LIFR: variants seen among roughly 807,000 people sequenced by gnomAD.
LIFR encodes LIF receptor subunit alpha.
In LIFR, 84 loss-of-function variants were observed where a neutral mutation model predicts 122.2. The ratio of observed to expected loss-of-function variants is 0.69; its 90% CI spans 0.58 to 0.82. The LOEUF (loss-of-function observed/expected upper bound fraction) is 0.82, where lower values mean the gene tolerates loss of function less well. Among genes scored for constraint, LIFR ranks in the 40% least tolerant of loss-of-function variants. The pLI, the probability that LIFR is intolerant of heterozygous loss-of-function variation, is 0.00. For missense variants in LIFR, 1,294 were observed against 1,311.6 expected (o/e 0.99, Z 0.21); for synonymous variants, 422 against 434.7 (o/e 0.97, Z 0.36).
upstream of LIFR, among the ~76,000 whole-genome samples, chr5:38,599,459 C>T (rs1750183594): frequency 1.3e-5 from 2 of 152,022 alleles, no homozygotes; most frequent in South Asian, 2.1e-4. Flanking sequence ...TGGAGATCAG[C>T]GGGAAGGTCA....
In LIFR at chr5:38,563,384, C is replaced by T. The variant is rs12519221; in HGVS notation, c.-20+31877G>A. ...GAGAAACATAGCTGTGCAGGTGACT[C>T]TCAGGTTGGGAGATTAATATTAATT... On this transcript the variant is annotated intron_variant, in intron 1 of 19. Coordinates refer to the LIFR transcript ENST00000263409. Among the ~76,000 whole-genome samples, 740 of 152,236 alleles carry T rather than the reference C, an allele frequency of 4.9e-3. 15 individuals carry two copies. The highest frequency in any genetic ancestry group is 0.042 in the Admixed American group (635 of 15,282).
At chr5:38,532,856 G>A (rs1200909704) in intron 1 of LIFR, among the ~76,000 whole-genome samples, 3 of 152,186 alleles carry the variant, frequency 2.0e-5, no homozygotes, top group Non-Finnish European at 4.4e-5. Flanking sequence ...AACATTGTCA[G>A]AATTCACTTT....
chr5:38,497,119 A>G (rs950179941), intron 12 of LIFR, among the ~76,000 whole-genome samples: 1 of 152,110 alleles, frequency 6.6e-6, no homozygotes, highest in African/African-American at 2.4e-5. Flanking sequence ...AACATGACAA[A>G]CATGAAACCC....
Position 38,478,849 on chromosome 5 carries a change from A to T in LIFR, c.*2746T>A, listed in dbSNP as rs1290128552. ...TGACTGGGCTTTCACTGAGGAAAAG[A>T]GGGATTTCTCAATTATTTTCCCAGT... On this transcript the variant is annotated 3_prime_UTR_variant, in exon 20 of 20. Transcript: ENST00000453190. 1.8e-5 allele frequency: 4 copies of T among 224,874 alleles called. No individual in the cohort carries two copies. In the East Asian group the frequency reaches 2.6e-4, roughly 14 times the overall value. 13.9% of individuals were successfully genotyped at this position (224,874 alleles called of 1,614,324 possible).
intron 2 of LIFR, among the ~76,000 whole-genome samples, chr5:38,602,603 G>C (rs887474686): frequency 6.6e-6 from 1 of 151,758 alleles, no homozygotes; most frequent in Admixed American, 6.6e-5. Context: ...TTATCTTGCC[G>C]TCTAAATTCT....
At chr5:38,578,604 T>G (rs1363728901) in intron 1 of LIFR, among the ~76,000 whole-genome samples, 1 of 151,956 alleles carries the variant, frequency 6.6e-6, no homozygotes, top group Non-Finnish European at 1.5e-5. Context: ...TAGTGTGTAG[T>G]GTAGTGGTGC....
rs929387552 is a variant in LIFR, at chr5:38,527,364, A to G, written c.258-70T>C. On this transcript the variant is annotated intron_variant, in intron 3 of 19. Transcript: ENST00000453190. ...TATAATTTTCATAAAAATTTGGTTA[A>G]CACAAAATACAATGGAAAATACTTT... 11 of 987,640 alleles carry G rather than the reference A, an allele frequency of 1.1e-5. No homozygotes were observed. In the East Asian group the frequency reaches 2.6e-4, roughly 24 times the overall value. The allele number at this position is 987,640 out of a possible 1,614,324, so 61.2% of individuals were successfully genotyped here. A position where few individuals can be genotyped will look rare whatever the true frequency, so the allele number is the denominator to read the frequency against.
At chr5:38,575,319 T>A (rs1157243206) in intron 1 of LIFR, among the ~76,000 whole-genome samples, 1 of 152,204 alleles carries the variant, frequency 6.6e-6, no homozygotes, top group Non-Finnish European at 1.5e-5. Context: ...GTACTGATAA[T>A]GTTCTTAGTG....
chr5:38,536,598 A>G (rs1747308374), intron 1 of LIFR, among the ~76,000 whole-genome samples: 1 of 152,230 alleles, frequency 6.6e-6, no homozygotes, highest in Admixed American at 6.5e-5. Context: ...GATACACGTT[A>G]TTTCTTCAAA....
chr5:38,514,085 A>G (rs577619797), intron 5 of LIFR, among the ~76,000 whole-genome samples: 1 of 152,222 alleles, frequency 6.6e-6, no homozygotes, highest in Admixed American at 6.5e-5. Flanking sequence ...ATGAATAGAA[A>G]TTCAATAGCA....
rs533045551 is a variant in LIFR, at chr5:38,603,998, C to T, written n.305+2207G>A. Reference sequence around the variant, plus strand: ...CCGGAGGGCAGCCACTGGTCATTTACGCTGTCATCTCATGGACTCTAAGAG... The same window carrying T: ...CCGGAGGGCAGCCACTGGTCATTTATGCTGTCATCTCATGGACTCTAAGAG... On this transcript the variant is annotated intron_variant and non_coding_transcript_variant, in intron 2 of 3. Coordinates refer to the LIFR transcript ENST00000507786. Among the ~76,000 whole-genome samples, 53 of 152,306 alleles carry T rather than the reference C, an allele frequency of 3.5e-4. 1 individual carries two copies. Among genetic ancestry groups the T allele is most frequent in the African/African-American group, 1.2e-3 (51 of 41,550 alleles).
At chr5:38,526,722 T>A (rs183220708) in intron 4 of LIFR, among the ~76,000 whole-genome samples, 3 of 152,298 alleles carry the variant, frequency 2.0e-5, no homozygotes, top group Admixed American at 1.3e-4. Context: ...AGGACCATTA[T>A]TATTTATAAT....
At chr5:38,545,097 C>T (rs1236289768) in intron 1 of LIFR, among the ~76,000 whole-genome samples, 1 of 152,018 alleles carries the variant, frequency 6.6e-6, no homozygotes, top group East Asian at 1.9e-4. Flanking sequence ...TGGTGAAATC[C>T]CATCTCTACT....
chr5:38,602,253 A>G (rs905614441), intron 2 of LIFR, among the ~76,000 whole-genome samples: 4 of 152,234 alleles, frequency 2.6e-5, no homozygotes, highest in African/African-American at 7.2e-5. Flanking sequence ...GATAAAATCT[A>G]GACACAATTC....
chr5:38,518,750 T>C (rs1321549677), intron 5 of LIFR, among the ~76,000 whole-genome samples: 1 of 152,184 alleles, frequency 6.6e-6, no homozygotes, highest in Non-Finnish European at 1.5e-5. Flanking sequence ...AAAAGTTAAC[T>C]GTAAAACAGC....
Position 38,475,455 on chromosome 5 carries a change from G to C in LIFR, c.*6140C>G, listed in dbSNP as rs73077446. ...TCACCTTAAAAAAATGTCTGTAGTG[G>C]TAACATTTCAAGAAATGAAAAAGGG... On this transcript the variant is annotated 3_prime_UTR_variant, in exon 20 of 20. Transcript: ENST00000453190. The C allele has an allele frequency of 3.8e-3, 742 of 197,232 alleles. 7 individuals carry two copies. The highest frequency in any genetic ancestry group is 0.016 in the African/African-American group (678 of 43,452). 12.2% of individuals were successfully genotyped at this position (197,232 alleles called of 1,614,324 possible).
intron 1 of LIFR, among the ~76,000 whole-genome samples, chr5:38,555,560 TAAA>T (rs1262448650): frequency 6.6e-6 from 1 of 152,058 alleles, no homozygotes; most frequent in Non-Finnish European, 1.5e-5. Context: ...TAAAGACACA[TAAA>T]AAGAAATGCA....
intron 5 of LIFR, among the ~76,000 whole-genome samples, chr5:38,514,279 A>G (rs1408241243): frequency 1.3e-5 from 2 of 152,192 alleles, no homozygotes; most frequent in Non-Finnish European, 2.9e-5. Flanking sequence ...AAGCTGACAC[A>G]CATGTGTTTT....
At chr5:38,559,161 G>A (rs971884127), upstream of LIFR, 1 of 152,204 alleles carries the variant, frequency 6.6e-6, no homozygotes, top group African/African-American at 2.4e-5. Context: ...TGCCTTCCAT[G>A]TATACCCATT....
Sources: allele counts gnomAD v4.1 joint callset (sites outside exome capture counted in the v4.1 genomes callset), GRCh38; gene constraint gnomAD v4.1.1; transcripts MANE v1.5; gene names NCBI Gene and HGNC (gene_info 2026-07-23, HGNC 2026-07-21).